Variants in DPP6 observed in about 807,000 individuals in gnomAD.
DPP6 encodes the protein A-type potassium channel modulatory protein DPP6.
DPP6 carries 69 observed loss-of-function variants against 122.6 expected under a neutral mutation model. The observed-to-expected ratio is 0.56, with a 90% CI of 0.46 to 0.69. DPP6 has a LOEUF of 0.69. Ranked by LOEUF, DPP6 falls within the 30% of genes least tolerant of loss-of-function variation. DPP6 has a pLI of 0.00. For missense variants in DPP6, 928 were observed against 1,116.9 expected, an observed-to-expected ratio of 0.83 and a Z score of 2.41; for synonymous variants, 418 against 433.1, an observed-to-expected ratio of 0.97 and a Z score of 0.43.
chr7:153,862,831 C>G, the DPP6 span, among the ~76,000 whole-genome samples: 1 of 151,814 alleles, frequency 6.6e-6, no homozygotes, highest in Admixed American at 6.6e-5. Flanking sequence ...TAGAACTAAA[C>G]AACAAATCGG....
chr7:154,368,256 G>A lies in DPP6; in HGVS notation c.244-77958G>A, dbSNP rs190513981. ...CAAGCACAGGAATCTGGAGAAGTAC[G>A]AGCCTCCTGGCTCCCCACTGGACTT... On this transcript the variant is annotated intron_variant, in intron 1 of 25. Transcript: ENST00000377770. Among the ~76,000 whole-genome samples, 263 of 152,290 alleles carry A rather than the reference G, an allele frequency of 1.7e-3. 4 individuals are homozygous for A. The highest frequency in any genetic ancestry group is 9.3e-4 in the Non-Finnish European group (63 of 68,032).
At chr7:154,298,352 G>A (rs12113337) in intron 1 of DPP6, among the ~76,000 whole-genome samples, 10,372 of 152,006 alleles carry the variant, frequency 0.068, 499 homozygotes, top group East Asian at 0.2. Flanking sequence ...AGAAGGCTCC[G>A]GGGCAGTGGG....
chr7:154,542,499 C>A (rs1563828331), intron 4 of DPP6, among the ~76,000 whole-genome samples: 1 of 152,140 alleles, frequency 6.6e-6, no homozygotes, highest in African/African-American at 2.4e-5. Flanking sequence ...ATGTGAACCG[C>A]CTTCTCTTTC....
chr7:154,275,533 A>G (rs1421300641), intron 1 of DPP6, among the ~76,000 whole-genome samples: 1 of 152,196 alleles, frequency 6.6e-6, no homozygotes, highest in Non-Finnish European at 1.5e-5. Flanking sequence ...CCAAATTGAG[A>G]AGACAAAAAG....
rs139544327 is a variant in DPP6 at position 154,341,797 on chromosome 7, T to G, written c.244-104417T>G. ...GTTGTAGATCTTGTCAAAATGGCTG[T>G]CTGTTCCTTGGTTACCTTCTCCTAT... On this transcript the variant is annotated intron_variant, in intron 1 of 25. Transcript: ENST00000377770. Among the ~76,000 whole-genome samples the G allele has an allele frequency of 3.0e-4, 45 of 152,162 alleles. 1 individual carries two copies. The East Asian group carries it at 8.4e-3, about 28-fold the overall frequency.
At chr7:154,344,220 G>A (rs774279621) in intron 1 of DPP6, among the ~76,000 whole-genome samples, 13 of 152,230 alleles carry the variant, frequency 8.5e-5, no homozygotes, top group Non-Finnish European at 1.6e-4. Flanking sequence ...ACACCCTCAC[G>A]TCTGTGTTCT....
the DPP6 span, among the ~76,000 whole-genome samples, chr7:153,766,679 T>A: frequency 6.6e-6 from 1 of 152,124 alleles, no homozygotes; most frequent in African/African-American, 2.4e-5. Context: ...ATAAATTCAA[T>A]AATATTCACA....
intron 3 of DPP6, among the ~76,000 whole-genome samples, chr7:154,489,203 C>T (rs1824059772): frequency 6.6e-6 from 1 of 152,122 alleles, no homozygotes; most frequent in African/African-American, 2.4e-5. Flanking sequence ...TTCCGTAGCC[C>T]CCATTGCCCT....
intron 10 of DPP6, among the ~76,000 whole-genome samples, chr7:154,775,100 A>G (rs1289675165): frequency 6.6e-6 from 1 of 152,108 alleles, no homozygotes; most frequent in Non-Finnish European, 1.5e-5. Flanking sequence ...GACCATCACA[A>G]ATGTCTCCAG....
chr7:154,601,585 C>T lies in DPP6; in HGVS notation c.627+34669C>T, dbSNP rs1032022707. On this transcript the variant is annotated intron_variant, in intron 5 of 25. Coordinates refer to ENST00000377770, the MANE Select transcript of DPP6 (RefSeq NM_130797.4). ...TAGAACTTTTTCTATCCTTTTACTT[C>T]TAACCTCTTCATATGTTTACATTTA... 9.9e-5 allele frequency among the ~76,000 whole-genome samples: 12 copies of T among 121,090 alleles called. 2 individuals carry two copies. The highest frequency in any genetic ancestry group is 3.2e-4 in the African/African-American group (12 of 38,066). 79.4% of individuals were successfully genotyped at this position (121,090 alleles called of 152,430 possible).
At chr7:154,272,668 C>T (rs937339455) in intron 1 of DPP6, among the ~76,000 whole-genome samples, 17 of 152,058 alleles carry the variant, frequency 1.1e-4, no homozygotes, top group South Asian at 2.1e-4. Context: ...TGAGGGGAAA[C>T]GTAAATGAGT....
At chr7:154,786,137 T>C (rs1331527562) in intron 10 of DPP6, among the ~76,000 whole-genome samples, 1 of 152,242 alleles carries the variant, frequency 6.6e-6, no homozygotes. Context: ...CTGGAGTGCA[T>C]TCTCTTAATG....
chr7:154,330,031 G>T (rs1161109036), intron 1 of DPP6, among the ~76,000 whole-genome samples: 1 of 152,162 alleles, frequency 6.6e-6, no homozygotes, highest in Admixed American at 6.5e-5. Flanking sequence ...GGGCCTGTCG[G>T]GCGGTGGAGG....
intron 1 of DPP6, among the ~76,000 whole-genome samples, chr7:153,946,504 C>T (rs557765460): frequency 5.9e-5 from 9 of 152,172 alleles, no homozygotes; most frequent in South Asian, 2.1e-4. Flanking sequence ...ATCTTGGTTT[C>T]GATGGGTTTT....
intron 7 of DPP6, among the ~76,000 whole-genome samples, chr7:154,725,314 A>C (rs1469687691): frequency 6.6e-6 from 1 of 152,234 alleles, no homozygotes; most frequent in Admixed American, 6.5e-5. Flanking sequence ...ATTGCTCTAA[A>C]GAACTACCCA....
At chr7:154,503,114 TG>T (rs1825385988) in intron 3 of DPP6, among the ~76,000 whole-genome samples, 1 of 152,194 alleles carries the variant, frequency 6.6e-6, no homozygotes, top group African/African-American at 2.4e-5. Flanking sequence ...AAGGGAAAAT[TG>T]GAGATCAGAG....
At chr7:154,735,353 A>G (rs561475196) in intron 8 of DPP6, among the ~76,000 whole-genome samples, 17 of 152,354 alleles carry the variant, frequency 1.1e-4, no homozygotes, top group African/African-American at 4.1e-4. Context: ...GAAATTGAGT[A>G]CTTAAAAAAA....
At chr7:153,815,565 G>T in the DPP6 span, among the ~76,000 whole-genome samples, 2 of 144,736 alleles carry the variant, frequency 1.4e-5, no homozygotes, top group African/African-American at 2.6e-5. Flanking sequence ...TCCCCTTCCT[G>T]TGTCCATGTG....
chr7:154,873,660 C>T (rs1804575631), intron 19 of DPP6, among the ~76,000 whole-genome samples: 1 of 152,194 alleles, frequency 6.6e-6, no homozygotes, highest in African/African-American at 2.4e-5. Context: ...TTCCGTTTTG[C>T]AATTAACCCA....
Sources: allele counts gnomAD v4.1 joint callset (sites outside exome capture counted in the v4.1 genomes callset), GRCh38; gene constraint gnomAD v4.1.1; transcripts MANE v1.5; gene names NCBI Gene and HGNC (gene_info 2026-07-23, HGNC 2026-07-21).